GNG12: variants seen among roughly 807,000 people sequenced by gnomAD.
GNG12 encodes guanine nucleotide-binding protein G(I)/G(S)/G(O) subunit gamma-12.
For missense variants in GNG12, 69 were observed against 83.8 expected, an observed-to-expected ratio of 0.82 and a Z score of 0.69; for synonymous variants, 28 against 29.7, an observed-to-expected ratio of 0.94 and a Z score of 0.19.
chr1:67,819,577 C>T (rs1324565111), intron 1 of GNG12, among the ~76,000 whole-genome samples: 5 of 152,220 alleles, frequency 3.3e-5, no homozygotes, highest in African/African-American at 9.6e-5. Context: ...AAATGCCACA[C>T]TCATTACAGC....
chr1:67,763,090 G>GGAGAGAGAGAGAGAGGGAGA (rs1553157317), intron 2 of GNG12, among the ~76,000 whole-genome samples: 3 of 116,724 alleles, frequency 2.6e-5, no homozygotes, highest in African/African-American at 9.7e-5. Flanking sequence ...TACCCTCCCA[G>GGAGAGAGAGAGAGAGGGAGA]GAGAGAGAGA....
Position 67,783,843 on chromosome 1 carries a change from C to T in GNG12, c.-76-6336G>A, listed in dbSNP as rs541443907. Among the ~76,000 whole-genome samples the T allele has an allele frequency of 4.1e-3, 626 of 150,848 alleles. 5 individuals carry two copies. The highest frequency in any genetic ancestry group is 6.1e-3 in the Non-Finnish European group (409 of 67,348). Reference sequence around the variant, plus strand: ...AGGTGCTGGAGAGGATGTGGAGAAACAGGAACACTTTTACACTGTTGGTGG... The same window carrying T: ...AGGTGCTGGAGAGGATGTGGAGAAATAGGAACACTTTTACACTGTTGGTGG... On this transcript the variant is annotated intron_variant, in intron 1 of 3. Transcript: ENST00000370982.
At chr1:67,759,643 C>A (rs746210870) in intron 2 of GNG12, among the ~76,000 whole-genome samples, 20 of 152,134 alleles carry the variant, frequency 1.3e-4, no homozygotes, top group Admixed American at 2.6e-4. Context: ...ATACCTTATA[C>A]ATAGTAAGTG....
At chr1:67,817,229 G>C (rs867476908) in intron 1 of GNG12, among the ~76,000 whole-genome samples, 2 of 152,234 alleles carry the variant, frequency 1.3e-5, no homozygotes, top group Non-Finnish European at 2.9e-5. Flanking sequence ...TATGTCCAGA[G>C]ATGGGGGAGA....
At chr1:67,769,367 A>G (rs1646659428) in intron 2 of GNG12, among the ~76,000 whole-genome samples, 1 of 152,212 alleles carries the variant, frequency 6.6e-6, no homozygotes, top group Non-Finnish European at 1.5e-5. Flanking sequence ...GAGAAGGCAG[A>G]GAAATATGCT....
At chr1:67,800,511 G>A (rs1557621926) in intron 1 of GNG12, among the ~76,000 whole-genome samples, 1 of 152,166 alleles carries the variant, frequency 6.6e-6, no homozygotes, top group Non-Finnish European at 1.5e-5. Flanking sequence ...AAAGATGGCA[G>A]GTTCAACTTG....
chr1:67,762,240 T>C (rs1326662535), intron 2 of GNG12, among the ~76,000 whole-genome samples: 3 of 152,208 alleles, frequency 2.0e-5, no homozygotes, highest in East Asian at 1.9e-4. Flanking sequence ...TAACACAAGA[T>C]TGTAATCACT....
intron 2 of GNG12, among the ~76,000 whole-genome samples, chr1:67,759,984 T>C (rs920028037): frequency 5.7e-4 from 87 of 152,242 alleles, no homozygotes; most frequent in African/African-American, 2.0e-3. Context: ...TTTGGCTTTG[T>C]AAAGCAGGGA....
intron 1 of GNG12, among the ~76,000 whole-genome samples, chr1:67,815,175 G>T (rs1315132166): frequency 6.6e-6 from 1 of 152,160 alleles, no homozygotes; most frequent in Non-Finnish European, 1.5e-5. Flanking sequence ...AATGGTATTT[G>T]TATCCAGGAA....
At chr1:67,825,923 A>G (rs1177174438) in intron 1 of GNG12, among the ~76,000 whole-genome samples, 1 of 152,226 alleles carries the variant, frequency 6.6e-6, no homozygotes, top group African/African-American at 2.4e-5. Flanking sequence ...CCTACCCCTC[A>G]GAAATAATGA....
intron 2 of GNG12, among the ~76,000 whole-genome samples, chr1:67,716,998 C>T (rs984589344): frequency 2.0e-5 from 3 of 152,114 alleles, no homozygotes; most frequent in African/African-American, 7.2e-5. Flanking sequence ...GCCTGGGCAG[C>T]GAGTTCCTCA....
At chr1:67,737,592 T>C (rs923841485) in intron 2 of GNG12, among the ~76,000 whole-genome samples, 93 of 151,856 alleles carry the variant, frequency 6.1e-4, no homozygotes, top group African/African-American at 2.1e-3. Flanking sequence ...TTCCTCCTCT[T>C]TTCAATATGA....
At chr1:67,779,931 A>C (rs1258840728) in intron 1 of GNG12, among the ~76,000 whole-genome samples, 8 of 152,208 alleles carry the variant, frequency 5.3e-5, no homozygotes, top group Admixed American at 5.2e-4. Flanking sequence ...CAACTATAAC[A>C]CAATGCTATT....
intron 3 of GNG12, among the ~76,000 whole-genome samples, chr1:67,707,135 G>C (rs1198189266): frequency 1.3e-5 from 2 of 152,304 alleles, no homozygotes; most frequent in Middle Eastern, 3.4e-3. Context: ...ACAGAAAGTG[G>C]TCACTGAGGG....
intron 1 of GNG12, among the ~76,000 whole-genome samples, chr1:67,783,365 G>A (rs867288262): frequency 9.2e-5 from 14 of 151,800 alleles, no homozygotes; most frequent in Non-Finnish European, 1.3e-4. Flanking sequence ...AATTCCTAAC[G>A]GTGAAATTAC....
chr1:67,739,752 A>T (rs542406326), intron 2 of GNG12, among the ~76,000 whole-genome samples: 1 of 152,368 alleles, frequency 6.6e-6, no homozygotes, highest in East Asian at 1.9e-4. Context: ...AGCTGGGCAT[A>T]AACCAGACAT....
chr1:67,713,063 G>A (rs1570477667), intron 2 of GNG12, among the ~76,000 whole-genome samples: 1 of 152,166 alleles, frequency 6.6e-6, no homozygotes, highest in East Asian at 1.9e-4. Context: ...TGACTGACAC[G>A]CGGTGACCTA....
chr1:67,704,902 A>T lies in GNG12; in HGVS notation c.*549T>A, dbSNP rs1447443785. The T allele has an allele frequency of 1.3e-5, 2 of 152,284 alleles. No individual in the cohort carries two copies. The highest frequency in any genetic ancestry group is 2.9e-5 in the Non-Finnish European group (2 of 68,086). 9.4% of individuals were successfully genotyped at this position (152,284 alleles called of 1,614,324 possible). A position where few individuals can be genotyped will look rare whatever the true frequency, so the allele number is the denominator to read the frequency against. On this transcript the variant is annotated 3_prime_UTR_variant, in exon 4 of 4. Coordinates refer to ENST00000370982, the MANE Select transcript of GNG12 (RefSeq NM_018841.6). ...ATACACAGCTCAAAATAAAGGTATA[A>T]CTTCTGGAACTGAGAAACTGATGGT...
intron 1 of GNG12, among the ~76,000 whole-genome samples, chr1:67,812,060 T>C (rs1646929259): frequency 6.6e-6 from 1 of 152,136 alleles, no homozygotes; most frequent in African/African-American, 2.4e-5. Flanking sequence ...CAGCTGACTA[T>C]GGAGTAATGG....
Sources: gnomAD v4.1 joint callset for allele counts (sites outside exome capture counted in the v4.1 genomes callset) on GRCh38, gnomAD v4.1.1 for gene constraint, MANE v1.5 for transcripts, NCBI Gene and HGNC (gene_info 2026-07-23, HGNC 2026-07-21) for gene names.